GALNT11: variants seen among roughly 807,000 people sequenced by gnomAD.
The protein encoded by GALNT11 is polypeptide N-acetylgalactosaminyltransferase 11, also known as UDP-GalNAc:polypeptide N-acetylgalactosaminyltransferase 11.
A neutral mutation model predicts 72.7 loss-of-function variants in GALNT11; 47 were observed. That is an observed-to-expected ratio of 0.65 (90% CI 0.51 to 0.82). GALNT11 has a LOEUF of 0.82. Ranked by LOEUF, GALNT11 falls within the 40% of genes least tolerant of loss-of-function variation. The pLI is 0.00. For synonymous variants in GALNT11, 270 were observed against 286.6 expected (o/e 0.94, Z 0.58); for missense variants, 677 against 778.4 (o/e 0.87, Z 1.55).
chr7:152,055,481 A>G (rs1226124131), intron 1 of GALNT11, among the ~76,000 whole-genome samples: 1 of 148,100 alleles, frequency 6.8e-6, no homozygotes, highest in Non-Finnish European at 1.5e-5. Flanking sequence ...CTGACTTCTC[A>G]TTTCATAATA....
intron 1 of GALNT11, among the ~76,000 whole-genome samples, chr7:152,050,898 G>A (rs909382921): frequency 6.6e-6 from 1 of 152,088 alleles, no homozygotes; most frequent in Non-Finnish European, 1.5e-5. Context: ...ACTGTGACAG[G>A]GCAGCACTGA....
At chr7:152,073,084 G>A (rs949440365) in intron 1 of GALNT11, among the ~76,000 whole-genome samples, 3 of 152,102 alleles carry the variant, frequency 2.0e-5, no homozygotes, top group Non-Finnish European at 2.9e-5. Flanking sequence ...TATACGTAAC[G>A]TATCAGTGAT....
chr7:152,116,450 G>A (rs2088862339), intron 8 of GALNT11, among the ~76,000 whole-genome samples: 1 of 152,078 alleles, frequency 6.6e-6, no homozygotes, highest in Admixed American at 6.5e-5. Flanking sequence ...GTTTGGCCAG[G>A]CGGGTCTCAA....
intron 6 of GALNT11, among the ~76,000 whole-genome samples, chr7:152,110,237 G>A (rs2088035892): frequency 6.6e-6 from 1 of 152,152 alleles, no homozygotes; most frequent in African/African-American, 2.4e-5. Context: ...GAGATTGTCA[G>A]AAGGAATGAC....
chr7:152,054,658 C>G (rs1243754183), intron 1 of GALNT11, among the ~76,000 whole-genome samples: 1 of 151,488 alleles, frequency 6.6e-6, no homozygotes, highest in Non-Finnish European at 1.5e-5. Flanking sequence ...AACACAGGTG[C>G]ACAGCACCAT....
chr7:152,114,117 CCT>C (rs1434835867), intron 8 of GALNT11, among the ~76,000 whole-genome samples: 4 of 152,082 alleles, frequency 2.6e-5, no homozygotes, highest in South Asian at 4.2e-4. Context: ...CGTTTCTTCC[CCT>C]GTTAGAGGGC....
chr7:152,107,427 CAG>C (rs1347596645), intron 5 of GALNT11: 3 of 151,978 alleles, frequency 2.0e-5, no homozygotes, highest in Non-Finnish European at 4.4e-5. Flanking sequence ...ATGGAAGAAA[CAG>C]AAATGAGCAA....
At chr7:152,121,426 T>A in intron 11 of GALNT11, 120 bp from the exon 12 acceptor site, 3 of 1,233,112 alleles carry the variant, frequency 2.4e-6, no homozygotes, top group Non-Finnish European at 2.2e-6. Flanking sequence ...AAACTAACCT[T>A]TGGCTAAGAG....
At chr7:152,072,930 T>C (rs2084745122) in intron 1 of GALNT11, among the ~76,000 whole-genome samples, 1 of 152,256 alleles carries the variant, frequency 6.6e-6, no homozygotes, top group South Asian at 2.1e-4. Flanking sequence ...TTTTGTCTGA[T>C]TGCTGATTCT....
At chr7:152,057,757 G>A (rs2083769369) in intron 1 of GALNT11, among the ~76,000 whole-genome samples, 1 of 132,672 alleles carries the variant, frequency 7.5e-6, no homozygotes, top group African/African-American at 3.3e-5. Flanking sequence ...AATTTCCCCT[G>A]TTATTAACAT....
At chr7:152,117,734 C>G (rs2089021047) in intron 9 of GALNT11, 1 of 239,808 alleles carries the variant, frequency 4.2e-6, no homozygotes, top group Admixed American at 5.3e-5. Context: ...GCTATTTGCT[C>G]TTAGCTCTGG....
At chr7:152,116,476 T>A (rs1456685351) in intron 8 of GALNT11, among the ~76,000 whole-genome samples, 1 of 152,154 alleles carries the variant, frequency 6.6e-6, no homozygotes, top group Non-Finnish European at 1.5e-5. Flanking sequence ...TGACCTTAAG[T>A]GATCCGCCTG....
intron 1 of GALNT11, among the ~76,000 whole-genome samples, chr7:152,049,861 A>G (rs1301166237): frequency 6.6e-6 from 1 of 151,874 alleles, no homozygotes. Flanking sequence ...CTTTTTCATG[A>G]GCAGAGGAGT....
chr7:152,103,409 G>A (rs2087176849), intron 4 of GALNT11, 131 bp downstream of exon 4: 6 of 835,136 alleles, frequency 7.2e-6, no homozygotes, highest in Admixed American at 7.0e-5. Context: ...CAGCTGGGCT[G>A]ACCACAAATA....
intron 2 of GALNT11, 56 bp from the exon 3 acceptor site, chr7:152,100,742 A>C (rs1368898318): frequency 1.3e-6 from 2 of 1,592,164 alleles, no homozygotes; most frequent in Non-Finnish European, 1.7e-6. Flanking sequence ...AATATCGTTA[A>C]CAGTAACATG....
chr7:152,112,510 C>T (rs984805280), intron 7 of GALNT11, among the ~76,000 whole-genome samples: 27 of 149,400 alleles, frequency 1.8e-4, no homozygotes, highest in Non-Finnish European at 3.3e-4. Context: ...GCACTCTAGC[C>T]GGGGGGACAA....
Position 152,117,197 on chromosome 7 carries a change from G to T in GALNT11, c.1274G>T (p.Ser425Ile). 1 of 1,613,752 alleles carries T rather than the reference G, an allele frequency of 6.2e-7. No homozygotes were observed. The highest frequency in any genetic ancestry group is 8.5e-7 in the Non-Finnish European group (1 of 1,179,918). ...FSLRPDLKTK[S>I]YGNISERVEL... ...TTAAGACCTGACCTGAAGACGAAAA[G>T]CTATGGCAATATCAGTGAGCGTGTG... The change falls in exon 9 of 12, where the codon AGC becomes ATC. Residue 425 changes from serine (S) to isoleucine (I), a missense_variant. By Grantham distance (142) the Ser-to-Ile change is moderately radical. Coordinates refer to ENST00000430044, the MANE Select transcript of GALNT11 (RefSeq NM_022087.4).
At chr7:152,121,183 A>G (rs1264937478) in intron 11 of GALNT11, among the ~76,000 whole-genome samples, 1 of 152,220 alleles carries the variant, frequency 6.6e-6, no homozygotes, top group African/African-American at 2.4e-5. Flanking sequence ...AGGCACAGTA[A>G]GAGGTTCACA....
chr7:152,088,316 T>C (rs1350706442), intron 1 of GALNT11, among the ~76,000 whole-genome samples: 1 of 152,206 alleles, frequency 6.6e-6, no homozygotes, highest in Non-Finnish European at 1.5e-5. Flanking sequence ...TTCCCTATTT[T>C]TCCTAGTTTG....
Sources: allele counts gnomAD v4.1 joint callset (sites outside exome capture counted in the v4.1 genomes callset), GRCh38; gene constraint gnomAD v4.1.1; transcripts MANE v1.5; gene names NCBI Gene and HGNC (gene_info 2026-07-23, HGNC 2026-07-21).